RASAL2: variants seen among roughly 807,000 people sequenced by gnomAD.
RASAL2 encodes the protein ras GTPase-activating protein nGAP.
In RASAL2, 58 loss-of-function variants were observed where a neutral mutation model predicts 128.9. The ratio of observed to expected loss-of-function variants is 0.45; its 90% CI spans 0.36 to 0.56. The LOEUF is 0.56. Ranked by LOEUF, RASAL2 falls within the 20% of genes least tolerant of loss-of-function variation. RASAL2 has a pLI of 0.00. For synonymous variants in RASAL2, 561 were observed against 580.8 expected (o/e 0.97, Z 0.49); for missense variants, 1,360 against 1,601.6 (o/e 0.85, Z 2.57).
chr1:178,208,243 C>G (rs1010457571), intron 1 of RASAL2, among the ~76,000 whole-genome samples: 10 of 152,132 alleles, frequency 6.6e-5, no homozygotes, highest in Admixed American at 4.6e-4. Flanking sequence ...TGGGCAAAAA[C>G]AGCCATATTT....
At chr1:178,278,830 A>T (rs1405907897) in intron 1 of RASAL2, among the ~76,000 whole-genome samples, 4 of 152,124 alleles carry the variant, frequency 2.6e-5, no homozygotes, top group Non-Finnish European at 5.9e-5. Flanking sequence ...GTGTGTTCCT[A>T]TACTGAAATT....
Position 178,398,363 on chromosome 1 carries a change from A to G in RASAL2, c.564+8157A>G, listed in dbSNP as rs147329668. 8.4e-4 allele frequency among the ~76,000 whole-genome samples: 128 copies of G among 152,322 alleles called. 1 individual carries two copies. Among genetic ancestry groups the G allele is most frequent in the African/African-American group, 2.9e-3 (119 of 41,568 alleles). On this transcript the variant is annotated intron_variant, in intron 4 of 17. Coordinates refer to ENST00000367649, the MANE Select transcript of RASAL2 (RefSeq NM_170692.4). Reference sequence around the variant, plus strand: ...TATATCTTGTTCATGTTTGCATAGCATATGTTATAGTTTCTTCTATAAATT... The same window carrying G: ...TATATCTTGTTCATGTTTGCATAGCGTATGTTATAGTTTCTTCTATAAATT...
chr1:178,384,976 C>T (rs1322887267), intron 3 of RASAL2, among the ~76,000 whole-genome samples: 1 of 152,012 alleles, frequency 6.6e-6, no homozygotes, highest in Non-Finnish European at 1.5e-5. Flanking sequence ...TAATTGATGC[C>T]TATAGATATT....
At chr1:178,129,255 C>G (rs1189219681) in intron 1 of RASAL2, among the ~76,000 whole-genome samples, 2 of 151,996 alleles carry the variant, frequency 1.3e-5, no homozygotes, top group African/African-American at 2.4e-5. Context: ...ACTTATTTTT[C>G]TGTTACTTTT....
At chr1:178,247,305 G>T (rs1425695819) in intron 1 of RASAL2, among the ~76,000 whole-genome samples, 1 of 151,550 alleles carries the variant, frequency 6.6e-6, no homozygotes, top group African/African-American at 2.4e-5. Context: ...CAGGGTGTGT[G>T]TGTCTAGGAA....
intron 4 of RASAL2, among the ~76,000 whole-genome samples, chr1:178,404,742 C>T (rs111864437): frequency 1.0e-4 from 15 of 145,328 alleles, no homozygotes; most frequent in Admixed American, 2.1e-4. Flanking sequence ...AGTACAGTGG[C>T]GCAACCTCAG....
At chr1:178,168,181 C>G (rs941481886) in intron 1 of RASAL2, among the ~76,000 whole-genome samples, 2 of 151,802 alleles carry the variant, frequency 1.3e-5, no homozygotes, top group Non-Finnish European at 2.9e-5. Flanking sequence ...CTTAAATACT[C>G]TCCCCAGTTT....
chr1:178,113,146 TG>T (rs1659396538), intron 1 of RASAL2, among the ~76,000 whole-genome samples: 1 of 152,206 alleles, frequency 6.6e-6, no homozygotes, highest in Non-Finnish European at 1.5e-5. Context: ...GTATCTTTGT[TG>T]AAAATGTAAT....
chr1:178,159,477 A>G (rs903659562), intron 1 of RASAL2, among the ~76,000 whole-genome samples: 1 of 152,226 alleles, frequency 6.6e-6, no homozygotes, highest in African/African-American at 2.4e-5. Context: ...CTGATGCCCT[A>G]GAAAATAAAA....
chr1:178,451,311 T>C (rs1677360558), intron 9 of RASAL2, among the ~76,000 whole-genome samples: 1 of 152,182 alleles, frequency 6.6e-6, no homozygotes, highest in South Asian at 2.1e-4. Flanking sequence ...TCATTACCAC[T>C]TTTATAAATA....
At chr1:178,357,343 T>TC (rs1169991141) in intron 3 of RASAL2, among the ~76,000 whole-genome samples, 1 of 152,106 alleles carries the variant, frequency 6.6e-6, no homozygotes, top group East Asian at 1.9e-4. Flanking sequence ...AGCTAGTTGT[T>TC]TCAGTGCTTT....
chr1:178,202,079 G>C (rs1662892239), intron 1 of RASAL2, among the ~76,000 whole-genome samples: 1 of 152,196 alleles, frequency 6.6e-6, no homozygotes, highest in South Asian at 2.1e-4. Context: ...CTGGCTCTGA[G>C]CTGACGTTGA....
At chr1:178,141,629 G>A (rs933313753) in intron 1 of RASAL2, among the ~76,000 whole-genome samples, 15 of 152,114 alleles carry the variant, frequency 9.9e-5, no homozygotes, top group Admixed American at 5.2e-4. Context: ...CTTAATTGGG[G>A]CATAGTAGGG....
intron 4 of RASAL2, among the ~76,000 whole-genome samples, chr1:178,395,909 C>T (rs980934291): frequency 6.6e-6 from 1 of 150,832 alleles, no homozygotes; most frequent in Non-Finnish European, 1.5e-5. Flanking sequence ...AAAACTATAG[C>T]CTGTAGATAT....
chr1:178,215,381 G>A (rs1045489432), intron 1 of RASAL2, among the ~76,000 whole-genome samples: 5 of 152,202 alleles, frequency 3.3e-5, no homozygotes, highest in African/African-American at 1.2e-4. Context: ...TGTACTTGTT[G>A]GATGGAGAAG....
At chr1:178,333,592 C>G (rs1403549407) in intron 3 of RASAL2, among the ~76,000 whole-genome samples, 1 of 152,084 alleles carries the variant, frequency 6.6e-6, no homozygotes, top group East Asian at 1.9e-4. Flanking sequence ...TGGGTTAAGA[C>G]CAGCATGTTA....
At chr1:178,149,586 G>C (rs566955567) in intron 1 of RASAL2, among the ~76,000 whole-genome samples, 1 of 150,970 alleles carries the variant, frequency 6.6e-6, no homozygotes, top group Non-Finnish European at 1.5e-5. Context: ...GTACCTTTTT[G>C]CCAAACTTTG....
intron 1 of RASAL2, among the ~76,000 whole-genome samples, chr1:178,240,580 T>C (rs959343281): frequency 6.6e-6 from 1 of 151,980 alleles, no homozygotes; most frequent in African/African-American, 2.4e-5. Context: ...AAAGCAAGTG[T>C]CAAATTTTCA....
chr1:178,217,340 G>T (rs989124628), intron 1 of RASAL2, among the ~76,000 whole-genome samples: 6 of 152,132 alleles, frequency 3.9e-5, no homozygotes, highest in Non-Finnish European at 5.9e-5. Flanking sequence ...ATACAAAGAA[G>T]TCCCATGTAA....
Sources: gnomAD v4.1 joint callset for allele counts (sites outside exome capture counted in the v4.1 genomes callset) on GRCh38, gnomAD v4.1.1 for gene constraint, MANE v1.5 for transcripts, NCBI Gene and HGNC (gene_info 2026-07-23, HGNC 2026-07-21) for gene names.